ATL1: variants seen among roughly 807,000 people sequenced by gnomAD.
ATL1 encodes atlastin-1.
ATL1 carries 31 observed loss-of-function variants against 75.5 expected under a neutral mutation model. The ratio of observed to expected loss-of-function variants is 0.41; its 90% CI spans 0.31 to 0.55. ATL1 has a LOEUF of 0.55. Ranked by LOEUF, ATL1 falls within the 20% of genes least tolerant of loss-of-function variation. ATL1 has a pLI of 0.27. For missense variants in ATL1, 405 were observed against 662.6 expected (o/e 0.61, Z 4.27); for synonymous variants, 226 against 233.3 (o/e 0.97, Z 0.28).
At chr14:50,556,597 A>G (rs960706109), upstream of ATL1, among the ~76,000 whole-genome samples, 4 of 152,142 alleles carry the variant, frequency 2.6e-5, no homozygotes, top group African/African-American at 9.7e-5. Context: ...CATTGCCCCC[A>G]AAAGAAACCT....
chr14:50,572,301 G>A (rs998397459), intron 1 of ATL1, among the ~76,000 whole-genome samples: 4 of 152,084 alleles, frequency 2.6e-5, no homozygotes, highest in African/African-American at 9.7e-5. Context: ...TGTAAGATTA[G>A]GATGATCTAG....
chr14:50,624,173 T>C (rs2039494900), intron 11 of ATL1, among the ~76,000 whole-genome samples: 1 of 152,112 alleles, frequency 6.6e-6, no homozygotes, highest in African/African-American at 2.4e-5. Context: ...GAATTCTCGA[T>C]ATAATTAAAT....
chr14:50,625,539 G>A (rs1328840241), intron 11 of ATL1, among the ~76,000 whole-genome samples: 1 of 152,170 alleles, frequency 6.6e-6, no homozygotes, highest in Non-Finnish European at 1.5e-5. Context: ...TTCAAAGCTT[G>A]GAAGAACAGG....
intron 6 of ATL1, among the ~76,000 whole-genome samples, chr14:50,597,824 A>G (rs549333623): frequency 2.4e-4 from 37 of 152,166 alleles, no homozygotes; most frequent in African/African-American, 8.4e-4. Context: ...CCTCCCGAGT[A>G]GCTGAGACTA....
At chr14:50,622,621 G>A (rs1007666814) in intron 10 of ATL1, among the ~76,000 whole-genome samples, 5 of 151,548 alleles carry the variant, frequency 3.3e-5, no homozygotes, top group East Asian at 1.9e-4. Context: ...AGCCGAGATC[G>A]CGCCACTGCA....
chr14:50,632,751 T>G lies in ATL1; in HGVS notation c.*412T>G, dbSNP rs1041368143. 1.1e-4 allele frequency: 22 copies of G among 203,062 alleles called. No individual in the cohort carries two copies. Among genetic ancestry groups the G allele is most frequent in the African/African-American group, 4.4e-4 (19 of 42,896 alleles). 12.6% of individuals were successfully genotyped at this position (203,062 alleles called of 1,614,324 possible). A position where few individuals can be genotyped will look rare whatever the true frequency, so the allele number is the denominator to read the frequency against. On this transcript the variant is annotated 3_prime_UTR_variant, in exon 14 of 14. Coordinates refer to ENST00000358385, the MANE Select transcript of ATL1 (RefSeq NM_015915.5). ...ATTAGCCATTTGTTAAAACACAGCA[T>G]CATAACTCAGCAGGCTGGATTTAAT...
chr14:50,538,024 G>A (rs1231585100), intron 1 of ATL1, among the ~76,000 whole-genome samples: 4 of 152,126 alleles, frequency 2.6e-5, no homozygotes, highest in Non-Finnish European at 2.9e-5. Context: ...GGGAGGGGCC[G>A]GGGGCAGAAT....
chr14:50,602,756 G>A (rs1279676265), intron 6 of ATL1, among the ~76,000 whole-genome samples: 1 of 152,204 alleles, frequency 6.6e-6, no homozygotes, highest in South Asian at 2.1e-4. Flanking sequence ...AGGTAGTTGG[G>A]AATTTTAGCA....
chr14:50,596,842 G>GA (rs2039222155), intron 6 of ATL1, among the ~76,000 whole-genome samples: 2 of 151,646 alleles, frequency 1.3e-5, no homozygotes, highest in South Asian at 2.1e-4. Flanking sequence ...TACTTAGAGG[G>GA]AAAAAAATAT....
At chr14:50,556,811 C>A (rs904844048), upstream of ATL1, among the ~76,000 whole-genome samples, 6 of 152,126 alleles carry the variant, frequency 3.9e-5, no homozygotes, top group Non-Finnish European at 5.9e-5. Context: ...CATGTTGTAC[C>A]ATATATTGGT....
chr14:50,589,392 T>C (rs1448885524), intron 2 of ATL1, among the ~76,000 whole-genome samples: 2 of 152,008 alleles, frequency 1.3e-5, no homozygotes, highest in Non-Finnish European at 2.9e-5. Context: ...ACTCCTAACC[T>C]TGTGATCCAC....
At chr14:50,612,878 C>G (rs1360985558) in intron 6 of ATL1, among the ~76,000 whole-genome samples, 1 of 152,084 alleles carries the variant, frequency 6.6e-6, no homozygotes, top group African/African-American at 2.4e-5. Context: ...AAAAGAAAAG[C>G]TGATCTTATA....
chr14:50,551,766 T>G (rs530195000), intron 1 of ATL1, among the ~76,000 whole-genome samples: 1 of 152,106 alleles, frequency 6.6e-6, no homozygotes, highest in Non-Finnish European at 1.5e-5. Context: ...AAAAATTATG[T>G]GATAATCTCA....
intron 6 of ATL1, among the ~76,000 whole-genome samples, chr14:50,600,534 A>C (rs1363567026): frequency 6.6e-6 from 1 of 152,240 alleles, no homozygotes; most frequent in Non-Finnish European, 1.5e-5. Context: ...TTATAAAATC[A>C]AAAGATAAAA....
chr14:50,615,238 A>G (rs1316370281), intron 8 of ATL1, among the ~76,000 whole-genome samples: 1 of 152,224 alleles, frequency 6.6e-6, no homozygotes, highest in Non-Finnish European at 1.5e-5. Context: ...CAAAGACATG[A>G]CTTTTTAACT....
chr14:50,599,895 C>G (rs1355747989), intron 6 of ATL1, among the ~76,000 whole-genome samples: 5 of 151,526 alleles, frequency 3.3e-5, no homozygotes, highest in African/African-American at 1.2e-4. Context: ...GGCTCAGGAA[C>G]CTGGTGTGGG....
intron 8 of ATL1, among the ~76,000 whole-genome samples, chr14:50,616,666 A>G (rs2039418951): frequency 6.6e-6 from 1 of 152,050 alleles, no homozygotes; most frequent in South Asian, 2.1e-4. Context: ...ATATTGACCT[A>G]CACAATTGGT....
At chr14:50,632,160 TAA>T in intron 13 of ATL1, 67 bp from the exon 14 acceptor site, 1 of 1,156,438 alleles carries the variant, frequency 8.6e-7, no homozygotes, top group Non-Finnish European at 1.3e-6. Context: ...TACGATAAAC[TAA>T]AAAGGAAAAA....
At chr14:50,563,771 T>C (rs1386482278) in intron 1 of ATL1, among the ~76,000 whole-genome samples, 1 of 152,114 alleles carries the variant, frequency 6.6e-6, no homozygotes, top group Non-Finnish European at 1.5e-5. Flanking sequence ...GGGAAGCGAG[T>C]CTGAGTAGAA....
Sources: gnomAD v4.1 joint callset for allele counts (sites outside exome capture counted in the v4.1 genomes callset) on GRCh38, gnomAD v4.1.1 for gene constraint, MANE v1.5 for transcripts, NCBI Gene and HGNC (gene_info 2026-07-23, HGNC 2026-07-21) for gene names.